The following ZNF395 variants were observed in gnomAD, a reference collection of about 807,000 sequenced individuals.
ZNF395 encodes the protein zinc finger protein 395.
Under a neutral mutation model 57.7 loss-of-function variants are expected in ZNF395, and 20 were observed. That is an observed-to-expected ratio of 0.35 (90% CI 0.24 to 0.50). ZNF395 has a LOEUF of 0.50. ZNF395 is among the 20% of genes least tolerant of loss of function. The pLI is 0.97. For synonymous variants in ZNF395, 295 were observed against 275.9 expected (o/e 1.07, Z -0.69); for missense variants, 606 against 671.2 (o/e 0.90, Z 1.07).
chr8:28,360,755 T>G, intron 2 of ZNF395, 130 bp downstream of exon 2: 3 of 1,337,096 alleles, frequency 2.2e-6, no homozygotes, highest in South Asian at 2.9e-5. Context: ...CCAGGTGCCC[T>G]GTGGCTGGAG....
chr8:28,349,067 C>T (rs919683878), intron 9 of ZNF395, 58 bp downstream of exon 9: 19 of 1,498,076 alleles, frequency 1.3e-5, no homozygotes, highest in African/African-American at 2.8e-5. Flanking sequence ...TCGGAGTCCA[C>T]GCCACTGGAG....
At position 28,347,537 on chromosome 8, in the gene ZNF395, T is replaced by A. The variant is rs1045682222; in HGVS notation, c.*1182A>T. The A allele has an allele frequency of 1.3e-5, 2 of 152,098 alleles. No homozygotes were observed. The highest frequency in any genetic ancestry group is 4.8e-5 in the African/African-American group (2 of 41,312). 9.4% of individuals were successfully genotyped at this position (152,098 alleles called of 1,614,324 possible). A position where few individuals can be genotyped will look rare whatever the true frequency, so the allele number is the denominator to read the frequency against. ...TGCACGCAGCCCAGGCTCCCCTAGA[T>A]CCCTGGAGGCTCCAGAAACACCAAG... On this transcript the variant is annotated 3_prime_UTR_variant, in exon 10 of 10. Coordinates refer to ENST00000344423, the MANE Select transcript of ZNF395 (RefSeq NM_018660.3).
At position 28,348,954 on chromosome 8, in the gene ZNF395, C is replaced by G. The variant is rs140742515; in HGVS notation, c.1431-124G>C. 5.1e-4 allele frequency: 622 copies of G among 1,211,220 alleles called. 2 individuals carry two copies. In the African/African-American group the frequency reaches 7.5e-3, roughly 15 times the overall value. 75.0% of individuals were successfully genotyped at this position (1,211,220 alleles called of 1,614,324 possible). ...AGCTCCCGGCAAAAGTCACCAGGAC[C>G]AGGGGCCAGAGGCTCTGAGGACCAA... On this transcript the variant is annotated intron_variant, in intron 9 of 9. Transcript: ENST00000344423.
intron 1 of ZNF395, among the ~76,000 whole-genome samples, chr8:28,379,437 G>A (rs1802083371): frequency 6.6e-6 from 1 of 152,218 alleles, no homozygotes; most frequent in Admixed American, 6.5e-5. Context: ...GGCTGAGGCA[G>A]AAGGATCGCT....
At chr8:28,366,648 G>T (rs953873546) in intron 1 of ZNF395, among the ~76,000 whole-genome samples, 2 of 152,092 alleles carry the variant, frequency 1.3e-5, no homozygotes, top group Non-Finnish European at 2.9e-5. Context: ...ATGAGTACTT[G>T]CAAGCATATT....
At position 28,357,297 on chromosome 8, in the gene ZNF395, T is replaced by C. The variant is rs919407836; in HGVS notation, c.474-518A>G. On this transcript the variant is annotated intron_variant, in intron 3 of 9. Coordinates refer to ENST00000344423, the MANE Select transcript of ZNF395 (RefSeq NM_018660.3). Reference sequence around the variant, plus strand: ...CCCACCCCTCCCCCAAGAAAAATGGTAAGGCATTCTGACAGCTTCTGAATG... The same window carrying C: ...CCCACCCCTCCCCCAAGAAAAATGGCAAGGCATTCTGACAGCTTCTGAATG... 2.4e-4 allele frequency among the ~76,000 whole-genome samples: 37 copies of C among 151,784 alleles called. 1 individual carries two copies. Among genetic ancestry groups the C allele is most frequent in the Admixed American group, 2.2e-3 (33 of 15,220 alleles).
chr8:28,348,952 A>G, intron 9 of ZNF395, 122 bp from the exon 10 acceptor site: 2 of 1,211,964 alleles, frequency 1.7e-6, no homozygotes, highest in East Asian at 4.7e-5. Context: ...AGTCACCAGG[A>G]CCAGGGGCCA....
At chr8:28,363,397 A>G (rs929390202) in intron 1 of ZNF395, among the ~76,000 whole-genome samples, 1 of 152,038 alleles carries the variant, frequency 6.6e-6, no homozygotes, top group Non-Finnish European at 1.5e-5. Context: ...AGGCAGGCAG[A>G]TGCTGGGATT....
intron 1 of ZNF395, among the ~76,000 whole-genome samples, chr8:28,368,874 CG>C (rs1801943176): frequency 6.6e-6 from 1 of 151,984 alleles, no homozygotes; most frequent in Non-Finnish European, 1.5e-5. Flanking sequence ...CTCGCTCTGT[CG>C]ACCAGGTTGG....
intron 1 of ZNF395, chr8:28,375,307 A>C (rs1383238241): frequency 6.6e-6 from 1 of 151,398 alleles, no homozygotes; most frequent in Admixed American, 6.6e-5. Context: ...GAATGGCTTG[A>C]GCCTGGGGAA....
intron 1 of ZNF395, among the ~76,000 whole-genome samples, chr8:28,361,709 A>G (rs1801851708): frequency 6.6e-6 from 1 of 152,238 alleles, no homozygotes; most frequent in Non-Finnish European, 1.5e-5. Flanking sequence ...CCAGGATACA[A>G]TATTGCTCGG....
At chr8:28,381,718 C>T (rs982509764) in intron 1 of ZNF395, among the ~76,000 whole-genome samples, 7 of 152,062 alleles carry the variant, frequency 4.6e-5, no homozygotes, top group African/African-American at 1.7e-4. Context: ...TCATATGGCA[C>T]CTGATGGCTG....
intron 1 of ZNF395, among the ~76,000 whole-genome samples, chr8:28,382,943 G>C (rs1802127541): frequency 1.3e-5 from 2 of 150,840 alleles, no homozygotes; most frequent in Non-Finnish European, 2.9e-5. Flanking sequence ...TATGAACTTA[G>C]ATTAGATTTT....
chr8:28,370,410 A>T (rs1242224781), intron 1 of ZNF395, among the ~76,000 whole-genome samples: 3 of 152,228 alleles, frequency 2.0e-5, no homozygotes, highest in Non-Finnish European at 2.9e-5. Context: ...CTCTGGAGGA[A>T]GCCATTTAAG....
At chr8:28,385,994 C>T (rs1378186991) in intron 1 of ZNF395, 2 of 146,938 alleles carry the variant, frequency 1.4e-5, no homozygotes, top group African/African-American at 2.4e-5. Context: ...TAGGTCCCCG[C>T]GCAGCTCACC....
chr8:28,346,794 T>C lies in ZNF395; in HGVS notation c.*1925A>G, dbSNP rs1801608036. On this transcript the variant is annotated 3_prime_UTR_variant, in exon 10 of 10. Coordinates refer to ENST00000344423, the MANE Select transcript of ZNF395 (RefSeq NM_018660.3). ...CCCATGAGGACCTGAAGCTGGGGGT[T>C]GTCTTGGGAAGTGAGGGGGGTTGGG... 6.8e-6 allele frequency: 1 copy of C among 148,040 alleles called. No individual in the cohort carries two copies. The allele number at this position is 148,040 out of a possible 1,614,324, so 9.2% of individuals were successfully genotyped here.
rs192251310 is a variant in ZNF395, at chr8:28,351,200, T to A, written c.1233+295A>T. Among the ~76,000 whole-genome samples, 21 of 152,286 alleles carry A rather than the reference T, an allele frequency of 1.4e-4. No homozygotes were observed. In the East Asian group the frequency reaches 3.9e-3, roughly 28 times the overall value. ...TGGGAAGCCCAACTACACGACTCCATCCTCTCTTATAAGCAGAGGTGTGAC... is the reference window on the plus strand; with the variant it reads ...TGGGAAGCCCAACTACACGACTCCAACCTCTCTTATAAGCAGAGGTGTGAC... On this transcript the variant is annotated intron_variant, in intron 7 of 9. Transcript: ENST00000344423.
intron 1 of ZNF395, among the ~76,000 whole-genome samples, chr8:28,372,697 G>A (rs572108043): frequency 1.3e-5 from 2 of 152,284 alleles, no homozygotes; most frequent in East Asian, 1.9e-4. Context: ...TGAGGTGGGA[G>A]GATCACTTGA....
At chr8:28,382,342 C>T (rs1802119353) in intron 1 of ZNF395, among the ~76,000 whole-genome samples, 1 of 152,196 alleles carries the variant, frequency 6.6e-6, no homozygotes, top group Admixed American at 6.5e-5. Flanking sequence ...TCCCTGGCCA[C>T]CGGTTTACAA....
Sources: allele counts gnomAD v4.1 joint callset (sites outside exome capture counted in the v4.1 genomes callset), GRCh38; gene constraint gnomAD v4.1.1; transcripts MANE v1.5; gene names NCBI Gene and HGNC (gene_info 2026-07-23, HGNC 2026-07-21).